The following SAMM50 variants were observed in gnomAD, a reference collection of about 807,000 sequenced individuals.
SAMM50 encodes the protein sorting and assembly machinery component 50 homolog.
In SAMM50, 47 loss-of-function variants were observed where a neutral mutation model predicts 66.9. That is an observed-to-expected ratio of 0.70 (90% CI 0.56 to 0.90). The LOEUF is 0.90. SAMM50 is among the 40% of genes least tolerant of loss of function. The probability of loss-of-function intolerance (pLI) is 0.00; values close to 1 mark genes in which losing one functional copy is unlikely to be tolerated. For synonymous variants in SAMM50, 191 were observed against 214.1 expected, an observed-to-expected ratio of 0.89 and a Z score of 0.94; for missense variants, 535 against 595.3, an observed-to-expected ratio of 0.90 and a Z score of 1.05.
intron 6 of SAMM50, 50 bp from the exon 7 acceptor site, chr22:43,973,186 A>G: frequency 7.4e-7 from 1 of 1,349,948 alleles, no homozygotes; most frequent in Non-Finnish European, 1.1e-6. Flanking sequence ...AATGTGTGCA[A>G]GTTCTAATCA....
intron 10 of SAMM50, among the ~76,000 whole-genome samples, chr22:43,980,344 G>A (rs1021821464): frequency 6.7e-6 from 1 of 148,496 alleles, no homozygotes; most frequent in Non-Finnish European, 1.5e-5. Context: ...TTGAGGAGGC[G>A]GTGACAAGTG....
In SAMM50 at chr22:43,989,208, C is replaced by T. The variant is rs1048904150; in HGVS notation, c.1173C>T (p.Phe391=). ...RPGQGGFGEL[F]RTHFFLNAGN... ...GCCAGGGTGGCTTTGGAGAACTTTT[C>T]CGAACACACTTCTTTCTCAACGCAG... Residue 391 remains phenylalanine, a synonymous_variant, in exon 13 of 15, where the codon TTC becomes TTT. Transcript: ENST00000350028. 31 of 1,614,074 alleles carry T rather than the reference C, an allele frequency of 1.9e-5. No homozygotes were observed. Among genetic ancestry groups the T allele is most frequent in the Admixed American group, 5.0e-5 (3 of 59,994 alleles).
At chr22:43,958,215 C>T (rs1455843594) in intron 1 of SAMM50, among the ~76,000 whole-genome samples, 1 of 152,176 alleles carries the variant, frequency 6.6e-6, no homozygotes, top group Non-Finnish European at 1.5e-5. Flanking sequence ...TGGGCTTCGC[C>T]TTTCCGTGCC....
rs142252114 is a variant in SAMM50, at chr22:43,980,512, C to T, written c.937-879C>T. Among the ~76,000 whole-genome samples, 1,368 of 151,618 alleles carry T rather than the reference C, an allele frequency of 9.0e-3. 9 individuals are homozygous for T. The highest frequency in any genetic ancestry group is 0.041 in the Middle Eastern group (12 of 292). ...GGGTAGGACAGCGGGACACCTCGGGCGGGAGCATGAATTCCAAGAGCAGTA... is the reference window on the plus strand; with the variant it reads ...GGGTAGGACAGCGGGACACCTCGGGTGGGAGCATGAATTCCAAGAGCAGTA... On this transcript the variant is annotated intron_variant, in intron 10 of 14. Transcript: ENST00000350028.
intron 1 of SAMM50, chr22:43,956,994 G>A (rs1478126145): frequency 1.5e-6 from 1 of 681,668 alleles, no homozygotes; most frequent in Non-Finnish European, 2.6e-6. Flanking sequence ...CTCCTGTGGC[G>A]GCCTGCCGGG....
Position 43,990,267 on chromosome 22 carries a change from G to T in SAMM50, c.1225G>T (p.Glu409Ter), listed in dbSNP as rs769794460. 6.2e-7 allele frequency: 1 copy of T among 1,614,204 alleles called. No homozygotes were observed. Among genetic ancestry groups the T allele is most frequent in the Non-Finnish European group, 8.5e-7 (1 of 1,180,026 alleles). The part of the protein sequence containing the change: ...AGNLCNLNYG[E>*]GPKAHIRKLA... Reference sequence around the variant, plus strand: ...CTCACAGGTCTTTCTCTTTTCAGGGGAGGGCCCCAAAGCTCATATTCGTAA... The same window carrying T: ...CTCACAGGTCTTTCTCTTTTCAGGGTAGGGCCCCAAAGCTCATATTCGTAA... The change falls in exon 14 of 15, where the codon GAG (glutamate) becomes TAG (stop). Residue 409 changes from glutamate to a stop codon, truncating the protein, a stop_gained and splice_region_variant. Coordinates refer to ENST00000350028, the MANE Select transcript of SAMM50 (RefSeq NM_015380.5). LOFTEE classifies it high-confidence loss of function.
chr22:43,981,428 C>A lies in SAMM50; in HGVS notation c.974C>A (p.Pro325His). ...SASFWGGMLV[P>H]IGDKPSSIAD... ...TCTTTCTGGGGCGGAATGTTGGTAC[C>A]CATTGGTGATAAGCCGTCAAGCATT... The change falls in exon 11 of 15, where the codon CCC (proline) becomes CAC (histidine). Residue 325 changes from proline (P) to histidine (H), a missense_variant. By Grantham distance (77) the Pro-to-His change is moderately conservative (BLOSUM62 -2). Coordinates refer to ENST00000350028, the MANE Select transcript of SAMM50 (RefSeq NM_015380.5). The A allele has an allele frequency of 6.2e-7, 1 of 1,613,636 alleles. No individual in the cohort carries two copies. Among genetic ancestry groups the A allele is most frequent in the East Asian group, 2.2e-5 (1 of 44,868 alleles).
Position 43,964,604 on chromosome 22 carries a change from C to A in SAMM50, c.234+51C>A, listed in dbSNP as rs554732466. ...CTTTCCCAGTCTCTTCTGAAGAACTCGTAAATGTCCCCATGTGAAACCACA... is the reference window on the plus strand; with the variant it reads ...CTTTCCCAGTCTCTTCTGAAGAACTAGTAAATGTCCCCATGTGAAACCACA... On this transcript the variant is annotated intron_variant, in intron 3 of 14. Transcript: ENST00000350028. 3.0e-6 allele frequency: 3 copies of A among 986,112 alleles called. No individual in the cohort carries two copies. The African/African-American group carries it at 4.8e-5, about 16-fold the overall frequency. 61.1% of individuals were successfully genotyped at this position (986,112 alleles called of 1,614,324 possible). A position where few individuals can be genotyped will look rare whatever the true frequency, so the allele number is the denominator to read the frequency against.
intron 4 of SAMM50, among the ~76,000 whole-genome samples, chr22:43,969,521 A>T (rs961152876): frequency 6.6e-5 from 10 of 152,088 alleles, no homozygotes; most frequent in African/African-American, 2.4e-4. Context: ...TTGGGGGCAG[A>T]CCAGTAAGTG....
At chr22:43,992,259 C>T (rs1184006540) in intron 14 of SAMM50, among the ~76,000 whole-genome samples, 3 of 152,226 alleles carry the variant, frequency 2.0e-5, no homozygotes, top group African/African-American at 2.4e-5. Context: ...TTCTGAGCAT[C>T]GCCTCTCAGG....
chr22:43,978,180 A>G (rs1363317135), intron 10 of SAMM50, among the ~76,000 whole-genome samples: 2 of 152,110 alleles, frequency 1.3e-5, no homozygotes, highest in East Asian at 3.9e-4. Context: ...GCAGTGGTTC[A>G]CGCCTGTAAT....
intron 4 of SAMM50, among the ~76,000 whole-genome samples, chr22:43,972,005 A>G (rs1384494143): frequency 6.6e-6 from 1 of 152,146 alleles, no homozygotes; most frequent in African/African-American, 2.4e-5. Context: ...AGCCCTGTTT[A>G]TTGATATATT....
intron 4 of SAMM50, among the ~76,000 whole-genome samples, chr22:43,969,389 G>C (rs1366841708): frequency 6.6e-6 from 1 of 152,204 alleles, no homozygotes; most frequent in East Asian, 1.9e-4. Context: ...CCTGCTTCGA[G>C]GCCAGCCCTG....
chr22:43,958,476 CTTTTTT>C (rs3083316), intron 1 of SAMM50, among the ~76,000 whole-genome samples: 1 of 112,582 alleles, frequency 8.9e-6, no homozygotes, highest in Non-Finnish European at 1.7e-5. Flanking sequence ...TTATGGAGCT[CTTTTTT>C]TTTTTTTTTT....
At chr22:43,965,932 G>C (rs1210575821) in intron 3 of SAMM50, among the ~76,000 whole-genome samples, 1 of 152,068 alleles carries the variant, frequency 6.6e-6, no homozygotes, top group Non-Finnish European at 1.5e-5. Context: ...TAAACCTCTT[G>C]GGTTCAAGCA....
chr22:43,957,151 A>C lies in SAMM50; in HGVS notation c.21+1553A>C, dbSNP rs145166091. On this transcript the variant is annotated intron_variant, in intron 1 of 14. Coordinates refer to ENST00000350028, the MANE Select transcript of SAMM50 (RefSeq NM_015380.5). The stretch of plus-strand genomic sequence containing the variant: ...TATGCCCGAGATGAAACAGAATTCT[A>C]TTTGGGCTCATGTATACAAAGCAAA... 9.1e-6 allele frequency: 7 copies of C among 769,322 alleles called. No homozygotes were observed. The East Asian group carries it at 1.7e-4, about 19-fold the overall frequency. 47.7% of individuals were successfully genotyped at this position (769,322 alleles called of 1,614,324 possible). A position where few individuals can be genotyped will look rare whatever the true frequency, so the allele number is the denominator to read the frequency against.
At chr22:43,962,181 T>C (rs963856783) in intron 1 of SAMM50, among the ~76,000 whole-genome samples, 1 of 152,234 alleles carries the variant, frequency 6.6e-6, no homozygotes, top group Non-Finnish European at 1.5e-5. Flanking sequence ...AGCCTACAGT[T>C]GGGCAAAATC....
At chr22:43,975,979 T>G (rs773453768) in intron 7 of SAMM50, 76 bp from the exon 8 acceptor site, 2 of 1,468,140 alleles carry the variant, frequency 1.4e-6, no homozygotes, top group South Asian at 1.2e-5. Flanking sequence ...TTCATGATGC[T>G]TCATTCCAAA....
chr22:43,963,093 A>G (rs1351916497), intron 1 of SAMM50, 193 bp from the exon 2 acceptor site: 3 of 411,188 alleles, frequency 7.3e-6, no homozygotes, highest in Non-Finnish European at 1.3e-5. Flanking sequence ...GTTAACCACC[A>G]AGCCAAGAAC....
Sources: allele counts gnomAD v4.1 joint callset (sites outside exome capture counted in the v4.1 genomes callset), GRCh38; gene constraint gnomAD v4.1.1; transcripts MANE v1.5; gene names NCBI Gene and HGNC (gene_info 2026-07-23, HGNC 2026-07-21).